The following MINDY4 variants were observed in gnomAD, a reference collection of about 807,000 sequenced individuals.
The protein encoded by MINDY4 is MINDY lysine 48 deubiquitinase 4.
In MINDY4, 68 loss-of-function variants were observed where a neutral mutation model predicts 87.0. The observed-to-expected ratio is 0.78, with a 90% CI of 0.64 to 0.96. The LOEUF (loss-of-function observed/expected upper bound fraction) is 0.96. MINDY4 is among the 40% of genes least tolerant of loss of function. The probability of loss-of-function intolerance (pLI) is 0.00; values close to 1 mark genes in which losing one functional copy is unlikely to be tolerated. For synonymous variants in MINDY4, 379 were observed against 363.2 expected, an observed-to-expected ratio of 1.04 and a Z score of -0.50; for missense variants, 919 against 928.2, an observed-to-expected ratio of 0.99 and a Z score of 0.13.
intron 5 of MINDY4, among the ~76,000 whole-genome samples, chr7:30,817,647 G>A (rs1231224724): frequency 2.6e-5 from 4 of 152,218 alleles, no homozygotes; most frequent in Admixed American, 6.5e-5. Context: ...TCTGAAAAGC[G>A]GAAGCCCGGG....
intron 5 of MINDY4, among the ~76,000 whole-genome samples, chr7:30,810,174 CAA>C (rs58498956): frequency 1.0e-4 from 7 of 66,704 alleles, no homozygotes; most frequent in South Asian, 6.0e-4. Flanking sequence ...GACTCTGTTT[CAA>C]AAAAAAAAAA....
chr7:30,817,406 A>T (rs1411032348), intron 5 of MINDY4, among the ~76,000 whole-genome samples: 7 of 147,774 alleles, frequency 4.7e-5, no homozygotes, highest in Non-Finnish European at 1.1e-4. Context: ...CATTAAAAAA[A>T]TTTTTTTTAG....
chr7:30,852,016 A>G (rs982133641), intron 10 of MINDY4, among the ~76,000 whole-genome samples, 200 bp from the exon 11 acceptor site: 5 of 151,374 alleles, frequency 3.3e-5, no homozygotes, highest in Admixed American at 1.3e-4. Context: ...TTTTCTTTTA[A>G]ATCCTGCTAT....
chr7:30,783,602 C>T (rs141654682), intron 3 of MINDY4, among the ~76,000 whole-genome samples: 4 of 152,258 alleles, frequency 2.6e-5, no homozygotes, highest in Admixed American at 2.6e-4. Context: ...TTAATAGATT[C>T]TGGGGATCAG....
chr7:30,837,750 G>T (rs1183062739), intron 7 of MINDY4, among the ~76,000 whole-genome samples: 2 of 152,176 alleles, frequency 1.3e-5, no homozygotes, highest in Non-Finnish European at 2.9e-5. Flanking sequence ...TGGAAAAAGT[G>T]AGGCCTGCAG....
intron 5 of MINDY4, 101 bp from the exon 6 acceptor site, chr7:30,828,578 C>G: frequency 8.2e-7 from 1 of 1,216,100 alleles, no homozygotes. Flanking sequence ...ACTAGAGAGA[C>G]TTGTCTCCTG....
chr7:30,776,170 C>T (rs147454695), intron 1 of MINDY4, among the ~76,000 whole-genome samples: 69 of 152,296 alleles, frequency 4.5e-4, no homozygotes, highest in African/African-American at 1.7e-3. Flanking sequence ...AGTGATCTTT[C>T]AAAAATATGT....
chr7:30,862,127 T>C (rs1382564215), intron 13 of MINDY4, among the ~76,000 whole-genome samples: 1 of 152,222 alleles, frequency 6.6e-6, no homozygotes, highest in East Asian at 1.9e-4. Flanking sequence ...GCCTGGGGGC[T>C]CCTCCAGTGC....
At chr7:30,822,836 G>A (rs1227711344) in intron 5 of MINDY4, among the ~76,000 whole-genome samples, 1 of 151,600 alleles carries the variant, frequency 6.6e-6, no homozygotes, top group Non-Finnish European at 1.5e-5. Flanking sequence ...CAGGGATGGG[G>A]TATCACTATG....
intron 17 of MINDY4, among the ~76,000 whole-genome samples, chr7:30,889,393 T>C (rs376252027): frequency 2.0e-5 from 3 of 152,098 alleles, no homozygotes; most frequent in Non-Finnish European, 4.4e-5. Flanking sequence ...ACCTGCTCAG[T>C]TGTATAAGCC....
rs371783786 is a variant in MINDY4 at position 30,872,316 on chromosome 7, C to T, written c.1809+10C>T. Reference sequence around the variant, plus strand: ...TGGCTACTGTACACAGGTCAGGGGGCGCTGTGGGGCCCAGGTGGTCCTTCC... The same window carrying T: ...TGGCTACTGTACACAGGTCAGGGGGTGCTGTGGGGCCCAGGTGGTCCTTCC... On this transcript the variant is annotated intron_variant, in intron 14 of 17. Coordinates refer to ENST00000265299, the MANE Select transcript of MINDY4 (RefSeq NM_032222.3). 1.6e-4 allele frequency: 262 copies of T among 1,613,516 alleles called. No individual in the cohort carries two copies. The African/African-American group carries it at 1.9e-3, about 12-fold the overall frequency.
At chr7:30,836,900 G>A (rs1788874256) in intron 7 of MINDY4, 136 bp downstream of exon 7, 7 of 680,802 alleles carry the variant, frequency 1.0e-5, no homozygotes, top group Non-Finnish European at 1.8e-5. Context: ...TGGGTGTGAT[G>A]TAGAAGAAAA....
chr7:30,778,373 A>G lies in MINDY4; in HGVS notation c.64-59A>G, dbSNP rs201392222. On this transcript the variant is annotated intron_variant, in intron 1 of 17. Transcript: ENST00000265299. Reference sequence around the variant, plus strand: ...ATCAGGAATCGTTTGCTTGTGCTTTATGAGAACAGCGGGTTTTGATTTAAG... The same window carrying G: ...ATCAGGAATCGTTTGCTTGTGCTTTGTGAGAACAGCGGGTTTTGATTTAAG... The G allele has an allele frequency of 1.7e-4, 273 of 1,610,554 alleles. 1 individual carries two copies. Among genetic ancestry groups the G allele is most frequent in the Non-Finnish European group, 2.2e-4 (261 of 1,177,376 alleles).
intron 17 of MINDY4, among the ~76,000 whole-genome samples, chr7:30,889,589 C>T (rs552309571): frequency 2.6e-5 from 4 of 152,296 alleles, no homozygotes; most frequent in Admixed American, 6.5e-5. Context: ...TGAAGATGAA[C>T]GCTCTGATAT....
chr7:30,883,025 C>A, intron 17 of MINDY4, 32 bp downstream of exon 17: 1 of 1,606,562 alleles, frequency 6.2e-7, no homozygotes, highest in South Asian at 1.1e-5. Flanking sequence ...CTTTGAGCCT[C>A]ACCCTGAATA....
chr7:30,869,853 G>T (rs1790048854), intron 13 of MINDY4, among the ~76,000 whole-genome samples: 2 of 152,274 alleles, frequency 1.3e-5, no homozygotes, highest in South Asian at 4.1e-4. Flanking sequence ...CACACAGCAG[G>T]CTGGAACTAA....
intron 4 of MINDY4, 104 bp downstream of exon 4, chr7:30,786,096 A>T: frequency 6.8e-7 from 1 of 1,464,212 alleles, no homozygotes; most frequent in African/African-American, 1.4e-5. Flanking sequence ...GGGCAGTCCG[A>T]GAAGAGGGTC....
rs540704826 is a variant in MINDY4 at position 30,840,300 on chromosome 7, C to T, written c.1357-460C>T. Among the ~76,000 whole-genome samples the T allele has an allele frequency of 3.3e-5, 5 of 152,272 alleles. No individual in the cohort carries two copies. The South Asian group carries it at 1.0e-3, about 32-fold the overall frequency. On this transcript the variant is annotated intron_variant, in intron 8 of 17. Transcript: ENST00000265299. Reference sequence around the variant, plus strand: ...AGGCCACAAGTGGGGCAGAAGAGAGCGCAGAGCTCATGTAACCACAGGCTG... The same window carrying T: ...AGGCCACAAGTGGGGCAGAAGAGAGTGCAGAGCTCATGTAACCACAGGCTG...
At chr7:30,889,329 A>G (rs1790725751) in intron 17 of MINDY4, among the ~76,000 whole-genome samples, 1 of 152,234 alleles carries the variant, frequency 6.6e-6, no homozygotes, top group Non-Finnish European at 1.5e-5. Flanking sequence ...AGATGAACTC[A>G]GTACCCAGGA....
Sources: gnomAD v4.1 joint callset for allele counts (sites outside exome capture counted in the v4.1 genomes callset) on GRCh38, gnomAD v4.1.1 for gene constraint, MANE v1.5 for transcripts, NCBI Gene and HGNC (gene_info 2026-07-23, HGNC 2026-07-21) for gene names.